The following CNBD1 variants were observed in gnomAD, a reference collection of about 807,000 sequenced individuals.
The protein encoded by CNBD1 is cyclic nucleotide-binding domain-containing protein 1.
Under a neutral mutation model 54.4 loss-of-function variants are expected in CNBD1, and 71 were observed. That is an observed-to-expected ratio of 1.30 (90% CI 1.08 to 1.59). The LOEUF (loss-of-function observed/expected upper bound fraction) is 1.59. Ranked by LOEUF, CNBD1 falls within the 40% of genes most tolerant of loss-of-function variation. The pLI is 0.00. For missense variants in CNBD1, 659 were observed against 518.0 expected, an observed-to-expected ratio of 1.27 and a Z score of -2.64; for synonymous variants, 182 against 170.7, an observed-to-expected ratio of 1.07 and a Z score of -0.51.
intron 4 of CNBD1, among the ~76,000 whole-genome samples, chr8:87,002,564 ACTTACT>A (rs1176434123): frequency 6.7e-6 from 1 of 149,548 alleles, no homozygotes; most frequent in African/African-American, 2.5e-5. Context: ...TCTCCTTTGC[ACTTACT>A]CTTACTCATG....
chr8:87,249,141 G>C (rs918284146), intron 6 of CNBD1, among the ~76,000 whole-genome samples: 1 of 152,086 alleles, frequency 6.6e-6, no homozygotes, highest in Non-Finnish European at 1.5e-5. Context: ...CTGCTCCCCA[G>C]TACTAGCATC....
At chr8:87,252,304 T>C (rs1462569209) in intron 6 of CNBD1, among the ~76,000 whole-genome samples, 1 of 152,188 alleles carries the variant, frequency 6.6e-6, no homozygotes, top group Non-Finnish European at 1.5e-5. Flanking sequence ...CAATTGAATA[T>C]CAAACAATGA....
At chr8:87,184,748 CCCAA>C (rs1232477646) in intron 4 of CNBD1, among the ~76,000 whole-genome samples, 1 of 152,076 alleles carries the variant, frequency 6.6e-6, no homozygotes, top group African/African-American at 2.4e-5. Flanking sequence ...TATATCCACT[CCCAA>C]CACCTGCTTT....
intron 6 of CNBD1, among the ~76,000 whole-genome samples, chr8:87,272,937 A>G (rs7844269): frequency 0.28 from 42,694 of 151,774 alleles, 6,448 homozygotes; most frequent in African/African-American, 0.39. Flanking sequence ...TCGCTCTTCC[A>G]AAAATTGTTA....
chr8:87,375,942 G>C (rs1359802129), intron 10 of CNBD1, among the ~76,000 whole-genome samples: 2 of 151,820 alleles, frequency 1.3e-5, no homozygotes. Flanking sequence ...TAGATCTCTT[G>C]CAGGAAGAAT....
At chr8:87,354,904 C>A (rs1158249234) in intron 10 of CNBD1, among the ~76,000 whole-genome samples, 1 of 152,114 alleles carries the variant, frequency 6.6e-6, no homozygotes, top group Non-Finnish European at 1.5e-5. Flanking sequence ...GATTTATAAT[C>A]CTTTGGGTAT....
At chr8:86,967,278 T>A (rs1359491883) in intron 4 of CNBD1, among the ~76,000 whole-genome samples, 1 of 152,234 alleles carries the variant, frequency 6.6e-6, no homozygotes, top group Non-Finnish European at 1.5e-5. Flanking sequence ...AGGCAGATCT[T>A]GCTTGCTGCG....
intron 8 of CNBD1, among the ~76,000 whole-genome samples, chr8:87,317,867 CTG>C (rs1809425960): frequency 7.4e-6 from 1 of 134,918 alleles, no homozygotes; most frequent in Non-Finnish European, 1.7e-5. Context: ...CACTGTTTCT[CTG>C]TTCTAATATG....
At chr8:87,083,526 A>G (rs908375955) in intron 4 of CNBD1, among the ~76,000 whole-genome samples, 13 of 151,528 alleles carry the variant, frequency 8.6e-5, no homozygotes, top group African/African-American at 3.2e-4. Flanking sequence ...ATTTACCTAT[A>G]GCCTGGACTC....
intron 4 of CNBD1, among the ~76,000 whole-genome samples, chr8:87,106,628 C>G (rs1811543146): frequency 6.6e-6 from 1 of 152,170 alleles, no homozygotes; most frequent in Non-Finnish European, 1.5e-5. Flanking sequence ...ACTTCTGTAT[C>G]CATGTGCTTC....
chr8:87,377,541 C>G (rs1810974994), intron 10 of CNBD1, among the ~76,000 whole-genome samples: 2 of 151,878 alleles, frequency 1.3e-5, no homozygotes, highest in South Asian at 4.1e-4. Flanking sequence ...TTTTCTTAAT[C>G]CAGTCTATCA....
At chr8:87,393,222 CT>C (rs1206852360) in intron 2 of CNBD1, among the ~76,000 whole-genome samples, 1 of 151,840 alleles carries the variant, frequency 6.6e-6, no homozygotes, top group East Asian at 1.9e-4. Context: ...CAGTAGTCCC[CT>C]ATTTAGGAGA....
intron 3 of CNBD1, among the ~76,000 whole-genome samples, chr8:86,935,619 CT>C (rs1196611936): frequency 6.6e-6 from 1 of 151,916 alleles, no homozygotes. Context: ...TAATTTATGT[CT>C]GCCTTTTCTG....
chr8:87,384,445 G>A (rs1811145230), downstream of CNBD1, among the ~76,000 whole-genome samples: 1 of 152,060 alleles, frequency 6.6e-6, no homozygotes, highest in Admixed American at 6.6e-5. Context: ...GTGCTCTGAA[G>A]AAAAAGCAGA....
At chr8:87,368,648 G>A (rs1041987919) in intron 10 of CNBD1, among the ~76,000 whole-genome samples, 7 of 151,844 alleles carry the variant, frequency 4.6e-5, no homozygotes, top group African/African-American at 1.4e-4. Flanking sequence ...AAAAGAGAGG[G>A]AGAGAGAGTG....
At chr8:86,969,190 G>A (rs1485884660) in intron 4 of CNBD1, among the ~76,000 whole-genome samples, 1 of 151,752 alleles carries the variant, frequency 6.6e-6, no homozygotes, top group Admixed American at 6.6e-5. Flanking sequence ...TCTTTTAAAT[G>A]TTATGTTTGC....
intron 8 of CNBD1, among the ~76,000 whole-genome samples, chr8:87,305,403 C>A (rs538191850): frequency 2.0e-4 from 30 of 151,984 alleles, no homozygotes; most frequent in Non-Finnish European, 3.1e-4. Flanking sequence ...TTAGAAAAAA[C>A]AATTCTAAAA....
intron 3 of CNBD1, among the ~76,000 whole-genome samples, chr8:86,936,617 C>T (rs1041532206): frequency 2.0e-5 from 3 of 151,832 alleles, no homozygotes; most frequent in African/African-American, 7.3e-5. Flanking sequence ...GTGGTAGGCG[C>T]CTGTAGTCCC....
At position 87,291,699 on chromosome 8, in the gene CNBD1, G is replaced by T. The variant is rs1036663912; in HGVS notation, c.1042+5028G>T. On this transcript the variant is annotated intron_variant, in intron 8 of 10. Transcript: ENST00000518476. The stretch of plus-strand genomic sequence containing the variant: ...AGGTCTCATTATATTATCCAGGCTG[G>T]ACTCAAACTCCTGGGCTCAAGTGAT... Among the ~76,000 whole-genome samples, 4 of 152,034 alleles carry T rather than the reference G, an allele frequency of 2.6e-5. No homozygotes were observed. In the South Asian group the frequency reaches 8.3e-4, roughly 32 times the overall value.
Sources: allele counts gnomAD v4.1 joint callset (sites outside exome capture counted in the v4.1 genomes callset), GRCh38; gene constraint gnomAD v4.1.1; transcripts MANE v1.5; gene names NCBI Gene and HGNC (gene_info 2026-07-23, HGNC 2026-07-21).